MTCL2: variants seen among roughly 807,000 people sequenced by gnomAD.
MTCL2 encodes the protein microtubule crosslinking factor 2, also known as microtubule cross-linking factor 2.
At chr20:36,844,652 T>C in the MTCL2 span, among the ~76,000 whole-genome samples, 2 of 151,588 alleles carry the variant, frequency 1.3e-5, no homozygotes, top group Non-Finnish European at 2.9e-5. Flanking sequence ...ATTGCACCAC[T>C]GCACTCCAGC....
At chr20:36,819,599 T>C in the MTCL2 span, among the ~76,000 whole-genome samples, 1 of 114,980 alleles carries the variant, frequency 8.7e-6, no homozygotes, top group Admixed American at 1.1e-4. Context: ...CTGGTACACA[T>C]CAGAATTACT....
At chr20:36,788,773 C>CCCTCT in the MTCL2 span, among the ~76,000 whole-genome samples, 2 of 151,978 alleles carry the variant, frequency 1.3e-5, no homozygotes, top group Non-Finnish European at 2.9e-5. Flanking sequence ...TTGATTTCCT[C>CCCTCT]CCCTCTCTCT....
At chr20:36,851,056 G>A in the MTCL2 span, among the ~76,000 whole-genome samples, 1 of 152,124 alleles carries the variant, frequency 6.6e-6, no homozygotes, top group Non-Finnish European at 1.5e-5. Flanking sequence ...GTCTGAAATC[G>A]AGAGAGGAAC....
At chr20:36,853,176 C>A in the MTCL2 span, among the ~76,000 whole-genome samples, 2 of 152,112 alleles carry the variant, frequency 1.3e-5, no homozygotes, top group Non-Finnish European at 2.9e-5. Flanking sequence ...TGGAGACTCA[C>A]CACGTCCTGC....
the MTCL2 span, chr20:36,780,412 T>C: frequency 6.6e-6 from 1 of 152,218 alleles, no homozygotes; most frequent in Non-Finnish European, 1.5e-5. Context: ...TCGAGACACT[T>C]AGAAATCTTT....
the MTCL2 span, chr20:36,785,516 C>A: frequency 2.0e-6 from 2 of 985,344 alleles, no homozygotes; most frequent in Non-Finnish European, 2.4e-6. Context: ...CCTGACCTGG[C>A]CAACCAAGAA....
At chr20:36,844,394 AAAAAAAAAT>A in the MTCL2 span, among the ~76,000 whole-genome samples, 32 of 145,344 alleles carry the variant, frequency 2.2e-4, no homozygotes, top group Middle Eastern at 0.01. Flanking sequence ...CATCTCTACA[AAAAAAAAAT>A]AATAATAATA....
At chr20:36,814,743 C>T in the MTCL2 span, among the ~76,000 whole-genome samples, 2 of 152,202 alleles carry the variant, frequency 1.3e-5, no homozygotes, top group South Asian at 4.2e-4. Context: ...AAAAATTAGC[C>T]AGGCATGATG....
chr20:36,810,456 G>A, the MTCL2 span, among the ~76,000 whole-genome samples: 2 of 152,090 alleles, frequency 1.3e-5, no homozygotes, highest in Non-Finnish European at 2.9e-5. Flanking sequence ...ACTAAATGAT[G>A]GGACTTAAAA....
At chr20:36,861,984 G>A in the MTCL2 span, among the ~76,000 whole-genome samples, 11 of 152,234 alleles carry the variant, frequency 7.2e-5, no homozygotes, top group Non-Finnish European at 1.6e-4. Flanking sequence ...GCTGTTGTGT[G>A]CACAAGGTCT....
the MTCL2 span, among the ~76,000 whole-genome samples, chr20:36,821,527 T>G: frequency 1.3e-5 from 2 of 151,864 alleles, no homozygotes; most frequent in East Asian, 3.9e-4. Context: ...AAACTCTGTC[T>G]CAAAAACAAG....
chr20:36,785,269 C>A, the MTCL2 span: 1 of 985,298 alleles, frequency 1.0e-6, no homozygotes, highest in African/African-American at 1.7e-5. Flanking sequence ...CCAGGGGACC[C>A]CATGCCTGCC....
the MTCL2 span, among the ~76,000 whole-genome samples, chr20:36,847,907 C>T: frequency 2.2e-3 from 333 of 151,504 alleles, no homozygotes; most frequent in Middle Eastern, 0.01. Flanking sequence ...GTCCACAACT[C>T]CCAGCCAGCT....
the MTCL2 span, among the ~76,000 whole-genome samples, chr20:36,847,853 CAAAAAAA>C: frequency 1.2e-5 from 1 of 83,584 alleles, no homozygotes; most frequent in African/African-American, 4.5e-5. Flanking sequence ...CAGTCTGACT[CAAAAAAA>C]AAAAAAAAAA....
the MTCL2 span, chr20:36,785,926 G>C: frequency 1.0e-6 from 1 of 987,620 alleles, no homozygotes; most frequent in Non-Finnish European, 1.2e-6. Context: ...GCAATCTAGA[G>C]CAGTGGGGCT....
chr20:36,807,459 G>A, the MTCL2 span, among the ~76,000 whole-genome samples: 1 of 152,188 alleles, frequency 6.6e-6, no homozygotes, highest in African/African-American at 2.4e-5. Flanking sequence ...CGGCCAAAGT[G>A]AACAATGTCA....
At chr20:36,792,881 CAGACAGACAGACAGACAGAT>C in the MTCL2 span, among the ~76,000 whole-genome samples, 7 of 151,580 alleles carry the variant, frequency 4.6e-5, no homozygotes, top group African/African-American at 1.7e-4. Flanking sequence ...GACAGACAGA[CAGACAGACAGACAGACAGAT>C]AGATAATTTT....
chr20:36,858,047 G>A, the MTCL2 span, among the ~76,000 whole-genome samples: 2 of 152,048 alleles, frequency 1.3e-5, no homozygotes, highest in South Asian at 2.1e-4. Context: ...CCTGGCCCAT[G>A]ACAGGATTCC....
the MTCL2 span, among the ~76,000 whole-genome samples, chr20:36,812,376 G>T: frequency 6.6e-4 from 100 of 152,276 alleles, 1 homozygote; most frequent in Admixed American, 3.5e-3. Flanking sequence ...AACCCAAACT[G>T]CCTGGCTATA....
Sources: allele counts gnomAD v4.1 joint callset (sites outside exome capture counted in the v4.1 genomes callset), GRCh38; gene constraint gnomAD v4.1.1; transcripts MANE v1.5; gene names NCBI Gene and HGNC (gene_info 2026-07-23, HGNC 2026-07-21).